Variants in ANXA13 observed in about 807,000 individuals in gnomAD.
ANXA13 encodes annexin A13, also known as annexin XIII.
Under a neutral mutation model 46.6 loss-of-function variants are expected in ANXA13, and 36 were observed. That is an observed-to-expected ratio of 0.77 (90% CI 0.59 to 1.02). The LOEUF is 1.02. Among genes scored for constraint, ANXA13 ranks in the 50% least tolerant of loss-of-function variants. The probability of loss-of-function intolerance (pLI) is 0.00; values close to 1 mark genes in which losing one functional copy is unlikely to be tolerated. For synonymous variants in ANXA13, 163 were observed against 152.9 expected (o/e 1.07, Z -0.49); for missense variants, 417 against 396.5 (o/e 1.05, Z -0.44).
At chr8:123,692,845 C>A (rs921946896) in intron 8 of ANXA13, among the ~76,000 whole-genome samples, 1 of 152,096 alleles carries the variant, frequency 6.6e-6, no homozygotes, top group Non-Finnish European at 1.5e-5. Context: ...TAGAGCTTCT[C>A]CCCTGAATGG....
chr8:123,721,797 T>C (rs111705609), intron 1 of ANXA13, among the ~76,000 whole-genome samples: 1,821 of 152,206 alleles, frequency 0.012, 25 homozygotes, highest in African/African-American at 0.041. Context: ...TCCAGACCGT[T>C]TACAAATAGC....
intron 6 of ANXA13, 26 bp from the exon 7 acceptor site, chr8:123,693,805 A>G (rs1278087522): frequency 1.9e-6 from 3 of 1,597,104 alleles, no homozygotes; most frequent in Non-Finnish European, 2.6e-6. Context: ...CATTGTTATT[A>G]ACTTGCATTC....
In ANXA13 at chr8:123,693,693, G is replaced by T; in HGVS notation, c.540+18C>A. The T allele has an allele frequency of 6.3e-7, 1 of 1,588,000 alleles. No individual in the cohort carries two copies. Among genetic ancestry groups the T allele is most frequent in the Non-Finnish European group, 8.6e-7 (1 of 1,167,894 alleles). On this transcript the variant is annotated intron_variant, in intron 7 of 10. Coordinates refer to ENST00000419625, the MANE Select transcript of ANXA13 (RefSeq NM_004306.4). ...TTAAAAAAAGAATTTGCAGAGACTG[G>T]CATGTCTGCACACATACATCATACA...
chr8:123,698,476 G>A lies in ANXA13; in HGVS notation c.270C>T (p.Tyr90=), dbSNP rs111585125. 207 of 1,614,068 alleles carry A rather than the reference G, an allele frequency of 1.3e-4. No individual in the cohort carries two copies. The highest frequency in any genetic ancestry group is 3.3e-4 in the African/African-American group (25 of 74,934). ...ALALLDRPSE[Y]AARQLQKAMK... ...TAGCCTTCTGCAGCTGCCGGGCGGC[G>A]TACTCGCTGGGACGGTCCAGAAGGG... The change falls in exon 4 of 11, where the codon TAC becomes TAT. Residue 90 remains tyrosine (Y), a synonymous_variant. Coordinates refer to ENST00000419625, the MANE Select transcript of ANXA13 (RefSeq NM_004306.4).
chr8:123,719,046 T>C (rs1813810221), intron 1 of ANXA13, among the ~76,000 whole-genome samples: 1 of 152,204 alleles, frequency 6.6e-6, no homozygotes, highest in Non-Finnish European at 1.5e-5. Flanking sequence ...TGCAGCAAAC[T>C]CTGGGGATGG....
chr8:123,717,631 G>A (rs1813780052), intron 1 of ANXA13, among the ~76,000 whole-genome samples: 1 of 152,218 alleles, frequency 6.6e-6, no homozygotes, highest in Admixed American at 6.5e-5. Context: ...TGAAGAATGT[G>A]GCTTTATTGT....
chr8:123,735,094 A>C (rs1202845923), intron 1 of ANXA13, among the ~76,000 whole-genome samples: 1 of 147,852 alleles, frequency 6.8e-6, no homozygotes, highest in African/African-American at 2.5e-5. Context: ...CCAAACCAAA[A>C]CAAAAACCAA....
At chr8:123,695,324 C>A (rs948784309) in intron 6 of ANXA13, among the ~76,000 whole-genome samples, 178 bp downstream of exon 6, 1 of 152,034 alleles carries the variant, frequency 6.6e-6, no homozygotes, top group Non-Finnish European at 1.5e-5. Context: ...GGAAGTAATT[C>A]CAATTGAATA....
chr8:123,712,611 G>A (rs1326712346), intron 2 of ANXA13, 67 bp downstream of exon 2: 1 of 1,330,856 alleles, frequency 7.5e-7, no homozygotes, highest in African/African-American at 1.4e-5. Flanking sequence ...ACATCATGGG[G>A]AAGTTGGACA....
At chr8:123,718,379 C>G (rs938543057) in intron 1 of ANXA13, among the ~76,000 whole-genome samples, 5 of 152,200 alleles carry the variant, frequency 3.3e-5, no homozygotes, top group African/African-American at 1.2e-4. Context: ...ATATTTTACA[C>G]CGGGCAGTCA....
intron 3 of ANXA13, among the ~76,000 whole-genome samples, chr8:123,698,923 A>T (rs988815356): frequency 6.6e-6 from 1 of 152,316 alleles, no homozygotes; most frequent in African/African-American, 2.4e-5. Context: ...TTTTCCCCAA[A>T]TATTCAGCTA....
intron 1 of ANXA13, among the ~76,000 whole-genome samples, chr8:123,734,955 G>C (rs1042338695): frequency 1.3e-5 from 2 of 151,698 alleles, no homozygotes; most frequent in East Asian, 3.9e-4. Context: ...CCGAGAGAAG[G>C]TCCCACGGCA....
intron 1 of ANXA13, among the ~76,000 whole-genome samples, chr8:123,724,321 A>G (rs1167219566): frequency 6.6e-6 from 1 of 152,202 alleles, no homozygotes; most frequent in Non-Finnish European, 1.5e-5. Flanking sequence ...TTGCCAAGAT[A>G]TAGATTAGTA....
chr8:123,704,284 T>A lies in ANXA13; in HGVS notation c.92-1548A>T, dbSNP rs750877542. On this transcript the variant is annotated intron_variant, in intron 2 of 10. Coordinates refer to ENST00000419625, the MANE Select transcript of ANXA13 (RefSeq NM_004306.4). ...GCAATCTCTGGAGCTGGAGGAAATG[T>A]TAGAGACTATCTAGTCCAAGCTCTT... Among the ~76,000 whole-genome samples the A allele has an allele frequency of 9.4e-4, 143 of 152,118 alleles. 2 individuals carry two copies. Among genetic ancestry groups the A allele is most frequent in the Admixed American group, 3.3e-4 (5 of 15,280 alleles).
chr8:123,722,341 GAAAAGAAAGAAAGAAAGAAAGAAAGAAA>G (rs1813891520), intron 1 of ANXA13, among the ~76,000 whole-genome samples: 1 of 79,890 alleles, frequency 1.3e-5, no homozygotes, highest in East Asian at 3.7e-4. Flanking sequence ...AGAAAGAAAA[GAAAAGAAAGAAAGAAAGAAAGAAAGAAA>G]GAAAGAAAGA....
chr8:123,723,017 G>T (rs952899967), intron 1 of ANXA13, among the ~76,000 whole-genome samples: 2 of 152,198 alleles, frequency 1.3e-5, no homozygotes, highest in East Asian at 1.9e-4. Context: ...GAAGCCAGTG[G>T]GATGGCCAAG....
rs1326597296 is a variant in ANXA13, at chr8:123,704,679, G to A, written c.92-1943C>T. Among the ~76,000 whole-genome samples, 4 of 152,154 alleles carry A rather than the reference G, an allele frequency of 2.6e-5. No individual in the cohort carries two copies. In the East Asian group the frequency reaches 7.7e-4, roughly 29 times the overall value. On this transcript the variant is annotated intron_variant, in intron 2 of 10. Coordinates refer to ENST00000419625, the MANE Select transcript of ANXA13 (RefSeq NM_004306.4). ...CTTAAAGTGCTAGGATGACAGGCAT[G>A]AGCCACCGCACCCGGCCTGCGGTTG...
intron 10 of ANXA13, among the ~76,000 whole-genome samples, chr8:123,683,584 CTTT>C (rs5894671): frequency 0.012 from 1,219 of 100,816 alleles, 19 homozygotes; most frequent in African/African-American, 0.044. Flanking sequence ...TAGCTGTGAC[CTTT>C]TTTTTTTTTT....
At chr8:123,695,908 C>CG (rs1421492303) in intron 4 of ANXA13, among the ~76,000 whole-genome samples, 187 bp from the exon 5 acceptor site, 1 of 131,512 alleles carries the variant, frequency 7.6e-6, no homozygotes, top group African/African-American at 2.8e-5. Flanking sequence ...GACGGCCCGC[C>CG]CCCCCCCCAC....
Sources: gnomAD v4.1 joint callset for allele counts (sites outside exome capture counted in the v4.1 genomes callset) on GRCh38, gnomAD v4.1.1 for gene constraint, MANE v1.5 for transcripts, NCBI Gene and HGNC (gene_info 2026-07-23, HGNC 2026-07-21) for gene names.